The following ZNF568 variants were observed in gnomAD, a reference collection of about 807,000 sequenced individuals.
ZNF568 encodes zinc finger protein 568.
Under a neutral mutation model 18.1 loss-of-function variants are expected in ZNF568, and 11 were observed. The observed-to-expected ratio is 0.61, with a 90% CI of 0.38 to 1.00. The LOEUF (loss-of-function observed/expected upper bound fraction) is 1.00, where lower values mean the gene tolerates loss of function less well. ZNF568 is among the 50% of genes least tolerant of loss of function. The probability of loss-of-function intolerance (pLI) is 0.01; values close to 1 mark genes in which losing one functional copy is unlikely to be tolerated. For missense variants in ZNF568, 639 were observed against 768.2 expected, an observed-to-expected ratio of 0.83 and a Z score of 1.99; for synonymous variants, 213 against 246.6, an observed-to-expected ratio of 0.86 and a Z score of 1.28.
chr19:36,926,360 T>C (rs2073553614), intron 4 of ZNF568, among the ~76,000 whole-genome samples: 1 of 152,194 alleles, frequency 6.6e-6, no homozygotes, highest in Non-Finnish European at 1.5e-5. Flanking sequence ...CACACATACT[T>C]CTTTTGACCA....
chr19:36,996,453 G>A, exon 5 of ZNF568: 3 of 1,536,406 alleles, frequency 2.0e-6, no homozygotes, highest in African/African-American at 1.4e-5. Flanking sequence ...GTCATCAGGA[G>A]GGACATTTCA....
At chr19:36,953,916 A>C (rs2074088169), downstream of ZNF568, among the ~76,000 whole-genome samples, 1 of 151,534 alleles carries the variant, frequency 6.6e-6, no homozygotes. Context: ...TTCTCAAAAA[A>C]ATAAAAAATA....
downstream of ZNF568, among the ~76,000 whole-genome samples, chr19:36,982,340 C>T (rs1623097): frequency 0.2 from 30,701 of 151,956 alleles, 3,363 homozygotes; most frequent in African/African-American, 0.29. Context: ...CTTTTTATTG[C>T]TAATTCGCTC....
At chr19:36,933,858 A>G (rs184855576) in intron 4 of ZNF568, among the ~76,000 whole-genome samples, 2 of 138,918 alleles carry the variant, frequency 1.4e-5, no homozygotes, top group East Asian at 4.1e-4. Context: ...GTTAAAATTC[A>G]CCAGTGAAGC....
At chr19:36,957,219 CTTTTTTTTT>C (rs56712509), downstream of ZNF568, among the ~76,000 whole-genome samples, 9 of 69,562 alleles carry the variant, frequency 1.3e-4, 1 homozygote, top group African/African-American at 2.1e-4. Context: ...CCAGACTGTT[CTTTTTTTTT>C]TTTTTTTTTT....
At chr19:36,989,511 TG>T (rs1169262134) in intron 2 of ZNF568, among the ~76,000 whole-genome samples, 2 of 152,158 alleles carry the variant, frequency 1.3e-5, no homozygotes, top group Non-Finnish European at 2.9e-5. Flanking sequence ...AGGGCCCCTC[TG>T]TTCTCCAAGA....
At chr19:36,974,609 C>T (rs993257532) in intron 7 of ZNF568, 1 of 808,890 alleles carries the variant, frequency 1.2e-6, no homozygotes. Context: ...GTAGCATTTT[C>T]CTAAAGCAGC....
intron 4 of ZNF568, among the ~76,000 whole-genome samples, chr19:36,925,973 A>G (rs561661147): frequency 2.0e-5 from 3 of 152,256 alleles, no homozygotes; most frequent in African/African-American, 7.2e-5. Context: ...AATTCTTACA[A>G]TTTTTAGCTT....
chr19:36,919,711 G>A (rs1600758715), intron 2 of ZNF568, among the ~76,000 whole-genome samples: 3 of 152,044 alleles, frequency 2.0e-5, no homozygotes, highest in African/African-American at 4.8e-5. Flanking sequence ...TGGCCCAGGG[G>A]TTGAGGACCC....
intron 4 of ZNF568, among the ~76,000 whole-genome samples, chr19:36,929,436 A>G (rs1389289139): frequency 1.3e-5 from 2 of 152,180 alleles, no homozygotes; most frequent in South Asian, 4.1e-4. Context: ...CTGTAATCCC[A>G]GCACTTTGGG....
downstream of ZNF568, among the ~76,000 whole-genome samples, chr19:36,982,572 G>T (rs2074340345): frequency 6.6e-6 from 1 of 152,058 alleles, no homozygotes; most frequent in Admixed American, 6.6e-5. Flanking sequence ...CGAGCGAGGT[G>T]GCAGGTGCCT....
rs2073345952 is a variant in ZNF568 at position 36,916,875 on chromosome 19, AT to A, written c.-256+287del. Among the ~76,000 whole-genome samples, 1 of 151,720 alleles carries A rather than the reference AT, an allele frequency of 6.6e-6. No homozygotes were observed. The highest frequency in any genetic ancestry group is 2.4e-5 in the African/African-American group (1 of 41,262). ...GTTGGTAACGGCTTGAAAAACACTTATTTGTTTTCTACTGATCCTCCCTCCT... is the reference window on the plus strand; with the variant it reads ...GTTGGTAACGGCTTGAAAAACACTTATTGTTTTCTACTGATCCTCCCTCCT... On this transcript the variant is annotated intron_variant, in intron 1 of 6. Transcript: ENST00000333987. This position sits in a 1 kb window ranked among gnomAD's most constrained non-coding sequence, Gnocchi z 5.3.
intron 3 of ZNF568, chr19:36,991,434 C>A: frequency 3.3e-6 from 4 of 1,210,938 alleles, no homozygotes; most frequent in Admixed American, 3.2e-5. Context: ...GTTTCTTGCT[C>A]ACCAAAAGAA....
At chr19:36,982,798 T>G (rs556929241), downstream of ZNF568, among the ~76,000 whole-genome samples, 1 of 152,346 alleles carries the variant, frequency 6.6e-6, no homozygotes, top group South Asian at 2.1e-4. Flanking sequence ...TCCAGTATCA[T>G]GTACACCTTT....
chr19:36,934,497 T>C (rs2073755670), intron 4 of ZNF568, among the ~76,000 whole-genome samples: 1 of 151,976 alleles, frequency 6.6e-6, no homozygotes, highest in Admixed American at 6.6e-5. Context: ...AGTTTTTGTA[T>C]TTTTTGTAGA....
chr19:36,925,813 C>T (rs762965839), intron 4 of ZNF568, among the ~76,000 whole-genome samples: 28 of 151,968 alleles, frequency 1.8e-4, no homozygotes, highest in Admixed American at 2.6e-4. Context: ...AATCTAGGGA[C>T]GATTTAAAGT....
At chr19:36,967,576 CA>C (rs758605508) in intron 6 of ZNF568, among the ~76,000 whole-genome samples, 4 of 152,090 alleles carry the variant, frequency 2.6e-5, no homozygotes, top group Non-Finnish European at 4.4e-5. Flanking sequence ...AAAAACAAAA[CA>C]AACAAGCAAA....
downstream of ZNF568, among the ~76,000 whole-genome samples, chr19:36,984,250 T>G (rs1033496852): frequency 6.6e-6 from 1 of 152,200 alleles, no homozygotes; most frequent in Non-Finnish European, 1.5e-5. Flanking sequence ...TGCTTGTAAT[T>G]ACTAATATAA....
chr19:36,926,832 T>G (rs2073563461), intron 4 of ZNF568, among the ~76,000 whole-genome samples: 1 of 109,090 alleles, frequency 9.2e-6, no homozygotes, highest in African/African-American at 4.1e-5. Context: ...ATAAGGGAAA[T>G]GAAGCACAGA....
Sources: gnomAD v4.1 joint callset for allele counts (sites outside exome capture counted in the v4.1 genomes callset) on GRCh38, gnomAD v4.1.1 for gene constraint, Gnocchi (gnomAD v3.1) non-coding constraint, MANE v1.5 for transcripts, NCBI Gene and HGNC (gene_info 2026-07-23, HGNC 2026-07-21) for gene names.